The following NAALADL2 variants were observed in gnomAD, a reference collection of about 807,000 sequenced individuals.
The protein encoded by NAALADL2 is inactive N-acetylated-alpha-linked acidic dipeptidase-like protein 2.
In NAALADL2, 76 loss-of-function variants were observed where a neutral mutation model predicts 87.2. The ratio of observed to expected loss-of-function variants is 0.87; its 90% confidence interval spans 0.72 to 1.05. The LOEUF is 1.05. NAALADL2 is among the 50% of genes least tolerant of loss of function. The pLI, the probability that NAALADL2 is intolerant of heterozygous loss-of-function variation, is 0.00. For synonymous variants in NAALADL2, 354 were observed against 331.0 expected (o/e 1.07, Z -0.75); for missense variants, 1,089 against 945.8 (o/e 1.15, Z -1.99).
intron 2 of NAALADL2, among the ~76,000 whole-genome samples, chr3:175,113,661 C>T (rs1233472428): frequency 6.6e-6 from 1 of 151,426 alleles, no homozygotes; most frequent in Non-Finnish European, 1.5e-5. Flanking sequence ...CTGTTTTGAT[C>T]CCCATTTCCA....
chr3:175,662,538 G>A (rs114898862), intron 11 of NAALADL2, among the ~76,000 whole-genome samples: 1,808 of 151,968 alleles, frequency 0.012, 41 homozygotes, highest in African/African-American at 0.041. Flanking sequence ...GAGTAAAAGC[G>A]GTGAAAGTGA....
At chr3:175,763,237 G>A (rs1162103096) in intron 13 of NAALADL2, among the ~76,000 whole-genome samples, 1 of 152,052 alleles carries the variant, frequency 6.6e-6, no homozygotes, top group Non-Finnish European at 1.5e-5. Flanking sequence ...GAGTACTGTT[G>A]TAAGCATCAT....
At chr3:175,096,691 C>A (rs1245127439) in intron 1 of NAALADL2, 99 bp from the exon 2 acceptor site, 6 of 632,666 alleles carry the variant, frequency 9.5e-6, no homozygotes, top group Admixed American at 7.3e-5. Context: ...GTATTATAAT[C>A]ATTAAACACT....
chr3:175,638,980 T>A (rs1728913492), intron 11 of NAALADL2, among the ~76,000 whole-genome samples: 1 of 152,216 alleles, frequency 6.6e-6, no homozygotes, highest in Non-Finnish European at 1.5e-5. Flanking sequence ...TATCCCTTCT[T>A]GTCCATCTTG....
chr3:175,307,495 T>G (rs1757862522), intron 4 of NAALADL2, among the ~76,000 whole-genome samples: 1 of 152,136 alleles, frequency 6.6e-6, no homozygotes, highest in South Asian at 2.1e-4. Context: ...GACATAAATA[T>G]GAAACATGCA....
chr3:174,851,474 C>T (rs1725255204), intron 3 of NAALADL2, among the ~76,000 whole-genome samples: 2 of 151,166 alleles, frequency 1.3e-5, no homozygotes, highest in African/African-American at 4.9e-5. Flanking sequence ...TTTTGAGCAA[C>T]TATACTATGA....
Position 175,307,238 on chromosome 3 carries a change from G to T in NAALADL2, c.940-16937G>T, listed in dbSNP as rs546320741. 3.9e-5 allele frequency among the ~76,000 whole-genome samples: 6 copies of T among 152,104 alleles called. No homozygotes were observed. The South Asian group carries it at 1.2e-3, about 32-fold the overall frequency. The stretch of plus-strand genomic sequence containing the variant: ...GTAATCTTAAAAATCCCCTGGAGTA[G>T]TTGTGACAATTAAATAAGTCAAGGA... On this transcript the variant is annotated intron_variant, in intron 4 of 13. Coordinates refer to ENST00000454872, the MANE Select transcript of NAALADL2 (RefSeq NM_207015.3).
At chr3:174,597,388 C>T (rs1578262251) in intron 2 of NAALADL2, among the ~76,000 whole-genome samples, 2 of 152,136 alleles carry the variant, frequency 1.3e-5, no homozygotes, top group South Asian at 2.1e-4. Flanking sequence ...TAAACTATAT[C>T]GTTTGCATAC....
chr3:174,472,356 A>T (rs1405330569), intron 1 of NAALADL2, among the ~76,000 whole-genome samples: 1 of 152,190 alleles, frequency 6.6e-6, no homozygotes, highest in Non-Finnish European at 1.5e-5. Context: ...TTTATTGAAC[A>T]GCTAAGTTTA....
intron 5 of NAALADL2, among the ~76,000 whole-genome samples, chr3:175,437,527 A>G (rs867553010): frequency 7.0e-5 from 10 of 143,826 alleles, no homozygotes; most frequent in Non-Finnish European, 1.4e-4. Context: ...CATACTGCCC[A>G]AGGTAATTTA....
intron 2 of NAALADL2, among the ~76,000 whole-genome samples, chr3:174,633,884 A>T (rs1417046288): frequency 6.6e-6 from 1 of 152,180 alleles, no homozygotes; most frequent in Non-Finnish European, 1.5e-5. Flanking sequence ...AGGAGCATAG[A>T]CTTGGAGCTA....
chr3:174,521,550 C>T (rs991851354), intron 1 of NAALADL2, among the ~76,000 whole-genome samples: 9 of 111,660 alleles, frequency 8.1e-5, no homozygotes, highest in Admixed American at 5.6e-4. Context: ...CCAGCCTGGG[C>T]GACAGGGCTA....
intron 13 of NAALADL2, among the ~76,000 whole-genome samples, chr3:175,768,561 GT>G (rs149333776): frequency 6.6e-6 from 1 of 152,094 alleles, no homozygotes. Flanking sequence ...CCAGGCATTT[GT>G]TTTTTGACAA....
intron 3 of NAALADL2, among the ~76,000 whole-genome samples, chr3:174,812,152 T>A (rs1443461129): frequency 6.6e-6 from 1 of 152,196 alleles, no homozygotes; most frequent in Non-Finnish European, 1.5e-5. Context: ...GTGTTTTTTT[T>A]AATAGCAGCG....
At chr3:175,147,818 C>T (rs995092759) in intron 2 of NAALADL2, among the ~76,000 whole-genome samples, 5 of 151,954 alleles carry the variant, frequency 3.3e-5, no homozygotes, top group African/African-American at 1.2e-4. Flanking sequence ...GCCTGTAATC[C>T]CAGCACTTTG....
At chr3:174,960,778 A>G (rs545406590) in intron 1 of NAALADL2, among the ~76,000 whole-genome samples, 89 of 152,122 alleles carry the variant, frequency 5.9e-4, no homozygotes, top group African/African-American at 2.0e-3. Flanking sequence ...AGTACTTCCA[A>G]CTAATCTAGA....
intron 9 of NAALADL2, among the ~76,000 whole-genome samples, chr3:175,491,306 AT>A (rs1003761708): frequency 4.6e-5 from 7 of 151,178 alleles, no homozygotes; most frequent in African/African-American, 7.3e-5. Context: ...ATTGACTTGA[AT>A]TTTTTTGTTT....
chr3:175,393,635 G>C (rs1375520930), intron 5 of NAALADL2, among the ~76,000 whole-genome samples: 1 of 151,764 alleles, frequency 6.6e-6, no homozygotes, highest in Non-Finnish European at 1.5e-5. Flanking sequence ...CTTTCTCTCT[G>C]GATTATTTGA....
At chr3:175,619,913 C>T (rs1560862141) in intron 10 of NAALADL2, among the ~76,000 whole-genome samples, 1 of 151,846 alleles carries the variant, frequency 6.6e-6, no homozygotes, top group East Asian at 1.9e-4. Context: ...TCTATGAAGC[C>T]AAACTGGATT....
Sources: allele counts gnomAD v4.1 joint callset (sites outside exome capture counted in the v4.1 genomes callset), GRCh38; gene constraint gnomAD v4.1.1; transcripts MANE v1.5; gene names NCBI Gene and HGNC (gene_info 2026-07-23, HGNC 2026-07-21).